SOX5: variants seen among roughly 807,000 people sequenced by gnomAD.
SOX5 encodes SRY-box transcription factor 5, also known as transcription factor SOX-5.
A neutral mutation model predicts 92.0 loss-of-function variants in SOX5; 9 were observed. That is an observed-to-expected ratio of 0.10 (90% confidence interval 0.06 to 0.17). The LOEUF is 0.17. Ranked by LOEUF, SOX5 falls within the 10% of genes least tolerant of loss-of-function variation. The pLI is 1.00. For missense variants in SOX5, 642 were observed against 944.5 expected (o/e 0.68, Z 4.20); for synonymous variants, 344 against 336.3 (o/e 1.02, Z -0.25).
chr12:24,110,326 C>T (rs546226523), intron 4 of SOX5, among the ~76,000 whole-genome samples: 3 of 152,304 alleles, frequency 2.0e-5, no homozygotes, highest in South Asian at 4.1e-4. Flanking sequence ...ACAACAACAA[C>T]GCAGTCATCT....
Position 24,520,996 on chromosome 12 carries a change from C to T in SOX5, c.-251+41333G>A, listed in dbSNP as rs141028087. Among the ~76,000 whole-genome samples, 563 of 152,208 alleles carry T rather than the reference C, an allele frequency of 3.7e-3. 9 individuals carry two copies. Among genetic ancestry groups the T allele is most frequent in the Admixed American group, 0.029 (448 of 15,292 alleles). On this transcript the variant is annotated intron_variant, in intron 1 of 4. Coordinates refer to the SOX5 transcript ENST00000446891. Reference sequence around the variant, plus strand: ...CACCTAACATCAGAGTACCTAAATACATAAAGCAAATATTGACAGATCTGA... The same window carrying T: ...CACCTAACATCAGAGTACCTAAATATATAAAGCAAATATTGACAGATCTGA...
At chr12:23,928,650 A>G (rs1940649613) in intron 1 of SOX5, among the ~76,000 whole-genome samples, 1 of 151,956 alleles carries the variant, frequency 6.6e-6, no homozygotes, top group South Asian at 2.1e-4. Context: ...TCCATATACA[A>G]AATAGACCAG....
chr12:24,423,396 A>G (rs954698280), intron 1 of SOX5, among the ~76,000 whole-genome samples: 1 of 152,246 alleles, frequency 6.6e-6, no homozygotes, highest in African/African-American at 2.4e-5. Flanking sequence ...TCTACTTTCT[A>G]TGATTAATCT....
intron 4 of SOX5, among the ~76,000 whole-genome samples, chr12:23,973,830 C>A (rs909080384): frequency 4.6e-5 from 7 of 152,108 alleles, no homozygotes; most frequent in African/African-American, 1.7e-4. Context: ...GGAGTGGAAA[C>A]CCTATTGGGA....
intron 4 of SOX5, among the ~76,000 whole-genome samples, chr12:23,962,473 C>T (rs186903285): frequency 1.3e-5 from 2 of 152,142 alleles, no homozygotes; most frequent in South Asian, 2.1e-4. Context: ...TAAAAAGGAA[C>T]AAATGAAGGC....
At chr12:23,614,083 A>G (rs1273778478) in intron 8 of SOX5, among the ~76,000 whole-genome samples, 1 of 152,128 alleles carries the variant, frequency 6.6e-6, no homozygotes, top group Non-Finnish European at 1.5e-5. Context: ...AAATAGGCTC[A>G]TCATCTTGAC....
chr12:24,353,745 A>G (rs1954426305), intron 2 of SOX5, among the ~76,000 whole-genome samples: 1 of 152,082 alleles, frequency 6.6e-6, no homozygotes, highest in Non-Finnish European at 1.5e-5. Flanking sequence ...GCTTCAAACA[A>G]TTCTCCTGCC....
intron 1 of SOX5, among the ~76,000 whole-genome samples, chr12:24,392,247 A>G (rs1959066172): frequency 6.6e-6 from 1 of 151,994 alleles, no homozygotes; most frequent in South Asian, 2.1e-4. Context: ...CAGTCTGTCT[A>G]TTCTCCCCAC....
chr12:24,262,437 A>T (rs1942272967), intron 3 of SOX5, among the ~76,000 whole-genome samples: 1 of 152,190 alleles, frequency 6.6e-6, no homozygotes, highest in South Asian at 2.1e-4. Flanking sequence ...GTTTGTCACC[A>T]TTGACAAACA....
intron 7 of SOX5, among the ~76,000 whole-genome samples, chr12:23,647,715 C>T (rs1169185697): frequency 6.6e-6 from 1 of 152,202 alleles, no homozygotes; most frequent in Non-Finnish European, 1.5e-5. Context: ...ACCTCCCCAA[C>T]ACCAAACTTT....
chr12:24,053,357 C>T (rs151062298), intron 4 of SOX5, among the ~76,000 whole-genome samples: 3,621 of 152,018 alleles, frequency 0.024, 142 homozygotes, highest in African/African-American at 0.083. Context: ...CTCGAACTCC[C>T]GACCTCAGGT....
At position 24,313,717 on chromosome 12, in the gene SOX5, C is replaced by T. The variant is rs539563546; in HGVS notation, c.-173-36405G>A. The stretch of plus-strand genomic sequence containing the variant: ...TGCTTCAGGGTTTAGCCCTCGTATT[C>T]ATATTCATACGCTCTCTTTCTTTCC... On this transcript the variant is annotated intron_variant, in intron 2 of 4. Transcript: ENST00000446891. 4.6e-5 allele frequency among the ~76,000 whole-genome samples: 7 copies of T among 152,292 alleles called. No individual in the cohort carries two copies. The South Asian group carries it at 1.4e-3, about 32-fold the overall frequency.
At chr12:23,587,659 T>A (rs1343365745) in intron 9 of SOX5, among the ~76,000 whole-genome samples, 2 of 152,096 alleles carry the variant, frequency 1.3e-5, no homozygotes, top group African/African-American at 4.8e-5. Context: ...AAATTCAAAA[T>A]GTATTCATAA....
chr12:23,575,589 T>C, intron 10 of SOX5, 72 bp downstream of exon 10: 1 of 1,415,194 alleles, frequency 7.1e-7, no homozygotes, highest in South Asian at 1.2e-5. Context: ...GGGTGTGATG[T>C]GCCATTTAAA....
chr12:23,594,494 G>T (rs756393478), intron 9 of SOX5, among the ~76,000 whole-genome samples: 6 of 152,060 alleles, frequency 3.9e-5, no homozygotes, highest in Non-Finnish European at 7.4e-5. Flanking sequence ...GTTTCTAAGG[G>T]AGTGCTGTAG....
At chr12:23,592,406 G>T (rs1951699259) in intron 9 of SOX5, among the ~76,000 whole-genome samples, 2 of 152,250 alleles carry the variant, frequency 1.3e-5, no homozygotes, top group South Asian at 2.1e-4. Flanking sequence ...GTTCACATTT[G>T]AAAATGCAAC....
intron 7 of SOX5, among the ~76,000 whole-genome samples, chr12:23,651,710 C>T (rs2081584137): frequency 6.6e-6 from 1 of 151,854 alleles, no homozygotes; most frequent in Non-Finnish European, 1.5e-5. Context: ...TGAGTTAGGC[C>T]TTGAATATAA....
chr12:24,509,154 A>T (rs1162116633), intron 1 of SOX5, among the ~76,000 whole-genome samples: 2 of 152,218 alleles, frequency 1.3e-5, no homozygotes, highest in East Asian at 3.9e-4. Context: ...TAACCTTTCT[A>T]TTCTTTCCTT....
chr12:24,165,276 T>A (rs542302185), intron 4 of SOX5, among the ~76,000 whole-genome samples: 1 of 152,266 alleles, frequency 6.6e-6, no homozygotes, highest in South Asian at 2.1e-4. Flanking sequence ...AAGCATGGAA[T>A]TATGGGCTAT....
Sources: gnomAD v4.1 joint callset for allele counts (sites outside exome capture counted in the v4.1 genomes callset) on GRCh38, gnomAD v4.1.1 for gene constraint, MANE v1.5 for transcripts, NCBI Gene and HGNC (gene_info 2026-07-23, HGNC 2026-07-21) for gene names.